HLCS: variants seen among roughly 807,000 people sequenced by gnomAD.
The protein encoded by HLCS is biotin--protein ligase.
A neutral mutation model predicts 75.0 loss-of-function variants in HLCS; 53 were observed. That is an observed-to-expected ratio of 0.71 (90% CI 0.57 to 0.89). The LOEUF is 0.89. HLCS is among the 40% of genes least tolerant of loss of function. The probability of loss-of-function intolerance (pLI) is 0.00; values close to 1 mark genes in which losing one functional copy is unlikely to be tolerated. For synonymous variants in HLCS, 431 were observed against 428.6 expected, an observed-to-expected ratio of 1.01 and a Z score of -0.07; for missense variants, 966 against 1,074.0, an observed-to-expected ratio of 0.90 and a Z score of 1.41.
At chr21:36,875,846 G>A (rs925313167) in intron 6 of HLCS, among the ~76,000 whole-genome samples, 1 of 152,006 alleles carries the variant, frequency 6.6e-6, no homozygotes, top group African/African-American at 2.4e-5. Flanking sequence ...AGAGAAGAGA[G>A]GCAGCTCTTC....
intron 10 of HLCS, 104 bp downstream of exon 10, chr21:36,756,438 G>A (rs544173760): frequency 3.6e-4 from 265 of 726,418 alleles, no homozygotes; most frequent in Non-Finnish European, 5.2e-4. Context: ...GCGACAGAGT[G>A]AGACTCCGTC....
intron 6 of HLCS, among the ~76,000 whole-genome samples, chr21:36,883,963 G>A (rs975259922): frequency 6.6e-6 from 1 of 152,148 alleles, no homozygotes; most frequent in Admixed American, 6.5e-5. Context: ...CCGAAAAGCC[G>A]GCACTGTGGG....
intron 6 of HLCS, among the ~76,000 whole-genome samples, chr21:36,836,715 A>C (rs1601453954): frequency 6.6e-6 from 1 of 152,084 alleles, no homozygotes; most frequent in African/African-American, 2.4e-5. Flanking sequence ...ACATGAACAG[A>C]CACTTCTCAA....
chr21:36,806,940 G>A (rs1324679914), intron 6 of HLCS, among the ~76,000 whole-genome samples: 1 of 152,168 alleles, frequency 6.6e-6, no homozygotes, highest in Non-Finnish European at 1.5e-5. Context: ...CCTCCACTTT[G>A]TCCCTTCCCA....
intron 2 of HLCS, among the ~76,000 whole-genome samples, chr21:36,951,032 C>T (rs1017140956): frequency 2.6e-5 from 4 of 152,232 alleles, no homozygotes; most frequent in Admixed American, 1.3e-4. Context: ...TCAGGTTGTG[C>T]TGCTTCCATT....
intron 2 of HLCS, chr21:36,946,083 C>CA: frequency 1.0e-6 from 1 of 984,620 alleles, no homozygotes; most frequent in Non-Finnish European, 1.2e-6. Flanking sequence ...CTTATGGTTC[C>CA]AAAATATAAA....
chr21:36,893,546 G>A (rs1184189088), intron 6 of HLCS, among the ~76,000 whole-genome samples: 1 of 152,180 alleles, frequency 6.6e-6, no homozygotes, highest in Non-Finnish European at 1.5e-5. Flanking sequence ...GTCCGGTTTT[G>A]TGGAAGACAG....
intron 6 of HLCS, among the ~76,000 whole-genome samples, chr21:36,895,353 G>C (rs975795424): frequency 6.6e-6 from 1 of 152,298 alleles, no homozygotes; most frequent in South Asian, 2.1e-4. Flanking sequence ...ACAAGCAAGT[G>C]ATGACTGTTC....
At chr21:36,790,207 C>T (rs1388739610) in intron 6 of HLCS, among the ~76,000 whole-genome samples, 2 of 152,142 alleles carry the variant, frequency 1.3e-5, no homozygotes, top group East Asian at 1.9e-4. Context: ...AGATCAAGAC[C>T]ATCCTAGCCA....
At chr21:36,911,706 G>A (rs1314572270) in intron 5 of HLCS, among the ~76,000 whole-genome samples, 3 of 137,476 alleles carry the variant, frequency 2.2e-5, no homozygotes, top group African/African-American at 8.4e-5. Context: ...CCGAGATCGC[G>A]CCACTGCACT....
chr21:36,820,323 G>T (rs2145997228), intron 6 of HLCS, among the ~76,000 whole-genome samples: 1 of 152,338 alleles, frequency 6.6e-6, no homozygotes, highest in East Asian at 1.9e-4. Flanking sequence ...GAGTTGAAGG[G>T]GCTGGAGCCC....
At position 36,937,024 on chromosome 21, in the gene HLCS, T is replaced by G; in HGVS notation, c.862A>C (p.Ser288Arg). Residue 288 changes from serine to arginine, a missense_variant, in exon 4 of 11, where the codon AGT (serine) becomes CGT (arginine). Ser to Arg is a moderately radical substitution (Grantham distance 110). Coordinates refer to ENST00000674895, the MANE Select transcript of HLCS (RefSeq NM_001352514.2). ...TCGGGGGAGGTCTCATCAGCAACAC[T>G]CTCCAAACTGCTGCTATAATCGTAG... ...LPYDYSSSLE[S>R]VADETSPERE... The G allele has an allele frequency of 6.2e-7, 1 of 1,613,884 alleles. No individual in the cohort carries two copies. The highest frequency in any genetic ancestry group is 8.5e-7 in the Non-Finnish European group (1 of 1,179,974).
At chr21:36,860,335 T>TCACACCCCTCCAGGAAGC (rs767331434) in intron 6 of HLCS, among the ~76,000 whole-genome samples, 23,416 of 147,670 alleles carry the variant, frequency 0.16, 2,250 homozygotes, top group Middle Eastern at 0.24. Flanking sequence ...CTCCAGGAAG[T>TCACACCCCTCCAGGAAGC]CACACCCCTC....
chr21:36,803,041 C>A (rs908864842), intron 6 of HLCS, among the ~76,000 whole-genome samples: 2 of 152,150 alleles, frequency 1.3e-5, no homozygotes, highest in Non-Finnish European at 2.9e-5. Flanking sequence ...AGTTCCTAAC[C>A]CTGTCCCCTT....
intron 5 of HLCS, among the ~76,000 whole-genome samples, chr21:36,903,192 C>G (rs541070817): frequency 1.3e-5 from 2 of 152,272 alleles, no homozygotes; most frequent in South Asian, 4.1e-4. Flanking sequence ...GGTTTTCGGA[C>G]TACAGAATAC....
upstream of HLCS, among the ~76,000 whole-genome samples, chr21:36,970,127 C>T (rs1189975612): frequency 6.6e-6 from 1 of 152,244 alleles, no homozygotes; most frequent in African/African-American, 2.4e-5. Context: ...CATGGCAGAA[C>T]TTCCCCAGGG....
At chr21:36,763,861 C>G (rs1410762166) in intron 8 of HLCS, among the ~76,000 whole-genome samples, 1 of 152,172 alleles carries the variant, frequency 6.6e-6, no homozygotes, top group Non-Finnish European at 1.5e-5. Flanking sequence ...AAACATCCAA[C>G]AGTAATAAGG....
chr21:36,803,225 A>T (rs2061260783), intron 6 of HLCS, among the ~76,000 whole-genome samples: 1 of 152,198 alleles, frequency 6.6e-6, no homozygotes, highest in Admixed American at 6.5e-5. Context: ...GGCCTTTGTG[A>T]TGAGAAGGAG....
In HLCS at chr21:36,751,078, T is replaced by C. The variant is rs922357717; in HGVS notation, c.*3168A>G. 2 of 146,268 alleles carry C rather than the reference T, an allele frequency of 1.4e-5. No individual in the cohort carries two copies. Among genetic ancestry groups the C allele is most frequent in the Admixed American group, 6.9e-5 (1 of 14,414 alleles). 9.1% of individuals were successfully genotyped at this position (146,268 alleles called of 1,614,324 possible). A position where few individuals can be genotyped will look rare whatever the true frequency, so the allele number is the denominator to read the frequency against. On this transcript the variant is annotated 3_prime_UTR_variant, in exon 11 of 11. Transcript: ENST00000674895. The stretch of plus-strand genomic sequence containing the variant: ...AAATACGTACATATTCCTTACTATG[T>C]AAAACACTTTATTTATTTTGTAAAA...
Sources: allele counts gnomAD v4.1 joint callset (sites outside exome capture counted in the v4.1 genomes callset), GRCh38; gene constraint gnomAD v4.1.1; transcripts MANE v1.5; gene names NCBI Gene and HGNC (gene_info 2026-07-23, HGNC 2026-07-21).